Variants in ANKZF1 observed in about 807,000 individuals in gnomAD.
ANKZF1 encodes ankyrin repeat and zinc finger peptidyl tRNA hydrolase 1, also known as tRNA endonuclease ANKZF1.
In ANKZF1, 84 loss-of-function variants were observed where a neutral mutation model predicts 86.0. The observed-to-expected ratio is 0.98, with a 90% CI of 0.82 to 1.17. ANKZF1 has a LOEUF of 1.17. Ranked by LOEUF, ANKZF1 falls within the 50% of genes most tolerant of loss-of-function variation. ANKZF1 has a pLI of 0.00. For synonymous variants in ANKZF1, 331 were observed against 354.2 expected, an observed-to-expected ratio of 0.93 and a Z score of 0.74; for missense variants, 893 against 918.4, an observed-to-expected ratio of 0.97 and a Z score of 0.36.
In ANKZF1 at chr2:219,235,008, C is replaced by T. The variant is rs754901479; in HGVS notation, c.1387C>T (p.Gln463Ter). The T allele has an allele frequency of 2.5e-6, 4 of 1,614,158 alleles. No homozygotes were observed. The highest frequency in any genetic ancestry group is 3.4e-6 in the Non-Finnish European group (4 of 1,180,066). ...GAHRTLLQQT[Q>*]EEEPSTQSSQ... ...ACATCGGACTCTTCTCCAGCAAACT[C>T]AAGAAGAGGAGCCTTCCACACAGTC... Residue 463 changes from glutamine to a stop codon, truncating the protein, a stop_gained, in exon 10 of 14, where the codon CAA (glutamine) becomes TAA (stop). Coordinates refer to ENST00000323348, the MANE Select transcript of ANKZF1 (RefSeq NM_018089.3). LOFTEE classifies it high-confidence loss of function.
Position 219,233,099 on chromosome 2 carries a change from ACTG to A in ANKZF1, c.585_587del (p.Leu196del), listed in dbSNP as rs1252723298. The A allele has an allele frequency of 1.1e-5, 17 of 1,613,912 alleles. No individual in the cohort carries two copies. The highest frequency in any genetic ancestry group is 1.7e-4 in the Middle Eastern group (1 of 5,962). On this transcript the variant is annotated inframe_deletion, in exon 6 of 14. Transcript: ENST00000323348. The stretch of plus-strand genomic sequence containing the variant: ...TCAAGGATCCCCCAGAAGAGGCAGA[ACTG>A]CTGCTACAGAACCTGCAAAGTAGAG...
Position 219,235,037 on chromosome 2 carries a change from C to T in ANKZF1, c.1416C>T (p.Ser472=), listed in dbSNP as rs1209456312. 1.2e-6 allele frequency: 2 copies of T among 1,614,154 alleles called. No homozygotes were observed. Among genetic ancestry groups the T allele is most frequent in the African/African-American group, 2.7e-5 (2 of 74,962 alleles). The change falls in exon 10 of 14, where the codon TCC becomes TCT. Residue 472 remains serine (S), a synonymous_variant. Coordinates refer to ENST00000323348, the MANE Select transcript of ANKZF1 (RefSeq NM_018089.3). The part of the protein sequence containing the change: ...TQEEEPSTQS[S]QAVAAPLGPL... ...AAGAGGAGCCTTCCACACAGTCATC[C>T]CAGGCAGTTGCTGCCCCCTTGGGCC... is the stretch of plus-strand genomic sequence containing the variant.
rs769206192 is a variant in ANKZF1 at position 219,233,762 on chromosome 2, G to A, written c.867G>A (p.Glu289=). The change falls in exon 8 of 14, where the codon GAG becomes GAA. Residue 289 remains glutamate, a synonymous_variant. Coordinates refer to ENST00000323348, the MANE Select transcript of ANKZF1 (RefSeq NM_018089.3). ...GGCCAAGCTGGGCTAAGGCGCTGGA[G>A]GAGGCTGGTACAATACTGTTGCGTG... ...LAGPSWAKAL[E]EAGTILLRAP... The A allele has an allele frequency of 1.9e-6, 3 of 1,614,114 alleles. No individual in the cohort carries two copies. The highest frequency in any genetic ancestry group is 1.1e-5 in the South Asian group (1 of 91,088).
At position 219,232,523 on chromosome 2, in the gene ANKZF1, C is replaced by G. The variant is rs1342273817; in HGVS notation, c.398C>G (p.Ser133Ter). ...TCCAGCATCTCGGGATCAGAAGACT[C>G]AGACTCAGCCAGTGAGGAGGACTTG... ...DLSSISGSEDSDSASEEDLQT... is the reference protein window; with the variant it reads ...DLSSISGSED Residue 133 changes from serine (S) to a stop codon, truncating the protein, a stop_gained, in exon 5 of 14, where the codon TCA becomes TGA. Coordinates refer to ENST00000323348, the MANE Select transcript of ANKZF1 (RefSeq NM_018089.3). LOFTEE classifies it high-confidence loss of function. 2 of 1,614,074 alleles carry G rather than the reference C, an allele frequency of 1.2e-6. No homozygotes were observed. Among genetic ancestry groups the G allele is most frequent in the East Asian group, 2.2e-5 (1 of 44,902 alleles).
rs778243241 is a variant in ANKZF1, at chr2:219,236,439, T to G, written c.2175T>G (p.Ser725=). Residue 725 remains serine (S), a synonymous_variant, in exon 14 of 14, where the codon TCT becomes TCG. Coordinates refer to ENST00000323348, the MANE Select transcript of ANKZF1 (RefSeq NM_018089.3). ...QDHRRQAGRP[S]S ...ATCGCCGTCAGGCAGGGAGGCCCTC[T>G]TCCTGATCTCTTACAGCTCTACCTG... The G allele has an allele frequency of 6.2e-7, 1 of 1,602,008 alleles. No homozygotes were observed. The highest frequency in any genetic ancestry group is 1.1e-5 in the South Asian group (1 of 89,330).
chr2:219,234,388 C>A, intron 9 of ANKZF1, 100 bp downstream of exon 9: 1 of 1,416,884 alleles, frequency 7.1e-7, no homozygotes, highest in Non-Finnish European at 1.0e-6. Flanking sequence ...CTTATTTAAA[C>A]ACACACCCAC....
chr2:219,230,379 C>T lies in ANKZF1; in HGVS notation c.122C>T (p.Ala41Val). The T allele has an allele frequency of 6.2e-7, 1 of 1,611,832 alleles. No individual in the cohort carries two copies. The highest frequency in any genetic ancestry group is 8.5e-7 in the Non-Finnish European group (1 of 1,178,418). ...LVSHAPGEAL[A>V]RAPRTSCSGS... ...AGCCACGCGCCTGGGGAGGCTCTGG[C>T]CCGGGCTCCGCGTACTTCCTGTTCA... Residue 41 changes from alanine (A) to valine (V), a missense_variant, in exon 2 of 14, where the codon GCC (alanine) becomes GTC (valine). Transcript: ENST00000323348.
intron 2 of ANKZF1, chr2:219,231,072 T>C (rs1203094210): frequency 6.6e-6 from 1 of 152,292 alleles, no homozygotes; most frequent in African/African-American, 2.4e-5. Flanking sequence ...CTACATCTTT[T>C]CTTGCACCTC....
At chr2:219,233,014 G>T in intron 5 of ANKZF1, 65 bp from the exon 6 acceptor site, 1 of 1,392,120 alleles carries the variant, frequency 7.2e-7, no homozygotes, top group Non-Finnish European at 1.0e-6. Context: ...TGTGAAAATT[G>T]GCCCTTAGTT....
rs762759320 is a variant in ANKZF1, at chr2:219,236,336, G to A, written c.2072G>A (p.Cys691Tyr). Residue 691 changes from cysteine (C) to tyrosine (Y), a missense_variant, in exon 14 of 14, where the codon TGT becomes TAT. Transcript: ENST00000323348. ...AIVNTRRCWS[C>Y]GASLQGLTPF... ...CTCTTGTTCAGACGCTGCTGGAGTT[G>A]TGGGGCATCCCTCCAAGGCCTGACT... The A allele has an allele frequency of 2.5e-6, 4 of 1,614,114 alleles. No homozygotes were observed. In the South Asian group the frequency reaches 3.3e-5, roughly 13 times the overall value.
rs1482727622 is a variant in ANKZF1, at chr2:219,236,229, T to C, written c.2058-93T>C. The C allele has an allele frequency of 4.4e-6, 7 of 1,606,508 alleles. No individual in the cohort carries two copies. The East Asian group carries it at 1.6e-4, about 36-fold the overall frequency. Reference sequence around the variant, plus strand: ...TGGGATGTTCTGGCAGATGCTGCAGTGAAAACAGAAATGGCAGGAGGAGGG... The same window carrying C: ...TGGGATGTTCTGGCAGATGCTGCAGCGAAAACAGAAATGGCAGGAGGAGGG... On this transcript the variant is annotated intron_variant, in intron 13 of 13. Transcript: ENST00000323348.
rs1951234932 is a variant in ANKZF1, at chr2:219,236,354, G to A, written c.2090G>A (p.Gly697Asp). 6.2e-7 allele frequency: 1 copy of A among 1,614,072 alleles called. No homozygotes were observed. Among genetic ancestry groups the A allele is most frequent in the Non-Finnish European group, 8.5e-7 (1 of 1,180,028 alleles). Residue 697 changes from glycine (G) to aspartate (D), a missense_variant, in exon 14 of 14, where the codon GGC becomes GAC. Physicochemically the swap from Gly to Asp is moderately conservative, Grantham distance 94 (BLOSUM62 -1). Coordinates refer to ENST00000323348, the MANE Select transcript of ANKZF1 (RefSeq NM_018089.3). ...RCWSCGASLQ[G>D]LTPFHYLDFS... is the part of the protein sequence containing the mutation. ...TGGAGTTGTGGGGCATCCCTCCAAGGCCTGACTCCCTTTCACTACCTCGAC... is the reference window on the plus strand; with the variant it reads ...TGGAGTTGTGGGGCATCCCTCCAAGACCTGACTCCCTTTCACTACCTCGAC...
At chr2:219,233,608 T>C in intron 7 of ANKZF1, 107 bp from the exon 8 acceptor site, 1 of 1,415,960 alleles carries the variant, frequency 7.1e-7, no homozygotes, top group Non-Finnish European at 9.6e-7. Flanking sequence ...TTTCTCCGTG[T>C]TATCCTCTAC....
rs1203235325 is a variant in ANKZF1, at chr2:219,229,981, G to A, written c.-31+81G>A. ...TGGGTAACGAAGAAAGTTCGGCTAGGCAAGCTCAGTGATTTTTAACTCTGT... is the reference window on the plus strand; with the variant it reads ...TGGGTAACGAAGAAAGTTCGGCTAGACAAGCTCAGTGATTTTTAACTCTGT... On this transcript the variant is annotated intron_variant, in intron 1 of 13. Transcript: ENST00000323348. The surrounding 1 kb of genome is among the most constrained non-coding windows in gnomAD (Gnocchi z 4.2). 6 of 340,008 alleles carry A rather than the reference G, an allele frequency of 1.8e-5. No homozygotes were observed. The highest frequency in any genetic ancestry group is 8.5e-5 in the African/African-American group (4 of 46,890). 21.1% of individuals were successfully genotyped at this position (340,008 alleles called of 1,614,324 possible). A position where few individuals can be genotyped will look rare whatever the true frequency, so the allele number is the denominator to read the frequency against.
At chr2:219,231,865 A>G in intron 2 of ANKZF1, 63 bp from the exon 3 acceptor site, 4 of 1,343,036 alleles carry the variant, frequency 3.0e-6, no homozygotes, top group Non-Finnish European at 4.3e-6. Context: ...CACTCTGAAT[A>G]TAATTCTTGT....
intron 2 of ANKZF1, chr2:219,231,241 C>T (rs983284142): frequency 5.3e-6 from 1 of 187,708 alleles, no homozygotes; most frequent in African/African-American, 2.4e-5. Flanking sequence ...AGACAAGACT[C>T]AAACTCAGCC....
chr2:219,230,445 T>A (rs1950999823), intron 2 of ANKZF1, 40 bp downstream of exon 2: 1 of 1,572,476 alleles, frequency 6.4e-7, no homozygotes, highest in Non-Finnish European at 8.7e-7. Context: ...ACAGGGCTCC[T>A]TACAGCGTAT....
chr2:219,235,885 G>A lies in ANKZF1; in HGVS notation c.1971+10G>A. ...CAGTGACCGAGAGAAGGTGAGGCTG[G>A]AGGTTCTCTTGTCCATGGCAAGGCT... is the stretch of plus-strand genomic sequence containing the variant. On this transcript the variant is annotated intron_variant, in intron 12 of 13. Transcript: ENST00000323348. 6.2e-7 allele frequency: 1 copy of A among 1,614,086 alleles called. No homozygotes were observed.
chr2:219,233,060 A>G lies in ANKZF1; in HGVS notation c.559-19A>G, dbSNP rs773117897. The G allele has an allele frequency of 6.2e-6, 10 of 1,602,968 alleles. No homozygotes were observed. The highest frequency in any genetic ancestry group is 1.1e-5 in the South Asian group (1 of 90,792). On this transcript the variant is annotated intron_variant, in intron 5 of 13. Coordinates refer to ENST00000323348, the MANE Select transcript of ANKZF1 (RefSeq NM_018089.3). ...AGTGAATGCAACAGATATGTTTCTG[A>G]TGCTTCTCTGTCATCAAGGATCCCC... is the stretch of plus-strand genomic sequence containing the variant.
Sources: gnomAD v4.1 joint callset for allele counts on GRCh38, gnomAD v4.1.1 for gene constraint, Gnocchi (gnomAD v3.1) non-coding constraint, MANE v1.5 for transcripts, NCBI Gene and HGNC (gene_info 2026-07-23, HGNC 2026-07-21) for gene names.